The following ATXN7 variants were observed in gnomAD, a reference collection of about 807,000 sequenced individuals.
The protein encoded by ATXN7 is ataxin 7, also known as ataxin-7.
In ATXN7, 12 loss-of-function variants were observed where a neutral mutation model predicts 70.5. That is an observed-to-expected ratio of 0.17 (90% confidence interval 0.11 to 0.28). The LOEUF is 0.28. Among genes scored for constraint, ATXN7 ranks in the 10% least tolerant of loss-of-function variants. The pLI, the probability that ATXN7 is intolerant of heterozygous loss-of-function variation, is 1.00. For missense variants in ATXN7, 1,256 were observed against 1,131.7 expected (o/e 1.11, Z -1.58); for synonymous variants, 498 against 448.7 (o/e 1.11, Z -1.39).
At chr3:63,994,680 C>CT (rs1240101705) in intron 11 of ATXN7, among the ~76,000 whole-genome samples, 1 of 152,234 alleles carries the variant, frequency 6.6e-6, no homozygotes, top group Non-Finnish European at 1.5e-5. Context: ...TCAGCCAGGG[C>CT]TACCCCTTAA....
intron 4 of ATXN7, among the ~76,000 whole-genome samples, chr3:63,939,481 ATAT>A (rs2074719315): frequency 6.6e-6 from 1 of 152,292 alleles, no homozygotes; most frequent in South Asian, 2.1e-4. Context: ...CAAACTGATG[ATAT>A]TATCCTTCAT....
intron 4 of ATXN7, among the ~76,000 whole-genome samples, chr3:63,920,990 A>G (rs1327324043): frequency 6.6e-6 from 1 of 152,230 alleles, no homozygotes; most frequent in African/African-American, 2.4e-5. Flanking sequence ...TAGTAGACTT[A>G]GCAGTTGGAG....
chr3:63,991,114 A>G, intron 11 of ATXN7: 1 of 470,732 alleles, frequency 2.1e-6, no homozygotes, highest in South Asian at 2.8e-5. Context: ...GGGATTGGGT[A>G]AGGGGAGAAA....
upstream of ATXN7, chr3:63,863,601 A>T (rs974038931): frequency 1.9e-5 from 23 of 1,194,362 alleles, no homozygotes; most frequent in Non-Finnish European, 2.4e-5. Context: ...GACTCAGGGA[A>T]GCAGCCGGGG....
At chr3:63,985,791 C>T (rs2075568679) in intron 8 of ATXN7, among the ~76,000 whole-genome samples, 1 of 152,220 alleles carries the variant, frequency 6.6e-6, no homozygotes, top group African/African-American at 2.4e-5. Flanking sequence ...TGTCCATTCA[C>T]TCATTGTAGA....
At chr3:63,975,114 T>C (rs2075371080) in intron 5 of ATXN7, among the ~76,000 whole-genome samples, 1 of 152,206 alleles carries the variant, frequency 6.6e-6, no homozygotes, top group South Asian at 2.1e-4. Context: ...TCGAATTGTT[T>C]CTTAGTATAT....
chr3:63,910,371 C>G (rs1703970725), intron 2 of ATXN7, among the ~76,000 whole-genome samples: 1 of 152,182 alleles, frequency 6.6e-6, no homozygotes, highest in African/African-American at 2.4e-5. Flanking sequence ...GCAAGCTTTT[C>G]TTTTCAATGG....
Position 63,995,611 on chromosome 3 carries a change from G to GCCA in ATXN7, c.1792_1794dup (p.Thr598dup). The GCCA allele has an allele frequency of 6.2e-7, 1 of 1,614,156 alleles. No individual in the cohort carries two copies. The highest frequency in any genetic ancestry group is 8.5e-7 in the Non-Finnish European group (1 of 1,180,028). ...ATGTGGAGTCAGCTATCTGGCAGCAGCCACCGTCTCTACATCCCCAGTCCT... is the reference window on the plus strand; with the variant it reads ...ATGTGGAGTCAGCTATCTGGCAGCAGCCACCACCGTCTCTACATCCCCAGTCCT... On this transcript the variant is annotated inframe_insertion, in exon 12 of 13. Transcript: ENST00000674280.
intron 1 of ATXN7, among the ~76,000 whole-genome samples, chr3:63,883,017 A>G (rs1702963402): frequency 6.6e-6 from 1 of 152,204 alleles, no homozygotes; most frequent in Non-Finnish European, 1.5e-5. Context: ...TTTTCTTTCT[A>G]AGGTGTTATT....
intron 4 of ATXN7, among the ~76,000 whole-genome samples, chr3:63,950,995 G>C (rs924978136): frequency 6.6e-6 from 1 of 152,086 alleles, no homozygotes; most frequent in African/African-American, 2.4e-5. Context: ...TTGAATTCCA[G>C]CTATTGACCT....
At chr3:63,881,563 A>T (rs1351213164) in intron 1 of ATXN7, among the ~76,000 whole-genome samples, 1 of 144,108 alleles carries the variant, frequency 6.9e-6, no homozygotes, top group Non-Finnish European at 1.5e-5. Context: ...ATCTCAGCTC[A>T]CTGCGACCTC....
intron 4 of ATXN7, among the ~76,000 whole-genome samples, chr3:63,931,337 G>A (rs554526007): frequency 2.6e-4 from 39 of 152,052 alleles, no homozygotes; most frequent in Non-Finnish European, 4.9e-4. Flanking sequence ...AGAGGAGAAA[G>A]CATGAAGCTT....
At chr3:63,978,327 G>A (rs1423789160) in intron 5 of ATXN7, among the ~76,000 whole-genome samples, 1 of 152,188 alleles carries the variant, frequency 6.6e-6, no homozygotes, top group Non-Finnish European at 1.5e-5. Flanking sequence ...TACTAGTCAT[G>A]CAGAAGTTAA....
At chr3:63,994,165 C>T (rs1321756366) in intron 11 of ATXN7, among the ~76,000 whole-genome samples, 6 of 152,194 alleles carry the variant, frequency 3.9e-5, no homozygotes, top group Non-Finnish European at 7.3e-5. Flanking sequence ...TAATGTGCAA[C>T]AGCTGGAGTT....
chr3:63,897,490 T>C (rs1453529173), intron 1 of ATXN7, among the ~76,000 whole-genome samples: 1 of 152,198 alleles, frequency 6.6e-6, no homozygotes. Flanking sequence ...TTTATTTGTA[T>C]CTTAGGATCT....
At chr3:63,979,892 T>G (rs759149912) in intron 5 of ATXN7, 23 bp from the exon 6 acceptor site, 4 of 1,611,838 alleles carry the variant, frequency 2.5e-6, no homozygotes, top group Non-Finnish European at 3.4e-6. Context: ...ATGATGTCTT[T>G]TTTTCTTTGC....
At chr3:63,985,754 G>A (rs142672814) in intron 8 of ATXN7, among the ~76,000 whole-genome samples, 15 of 152,240 alleles carry the variant, frequency 9.9e-5, no homozygotes, top group African/African-American at 2.9e-4. Flanking sequence ...CCTTCCACGC[G>A]GAGAGATTTG....
chr3:63,966,640 A>G (rs1227846342), intron 5 of ATXN7, among the ~76,000 whole-genome samples: 1 of 152,140 alleles, frequency 6.6e-6, no homozygotes, highest in Non-Finnish European at 1.5e-5. Flanking sequence ...TGGGATCTGA[A>G]TCCTTGTGAA....
intron 5 of ATXN7, among the ~76,000 whole-genome samples, chr3:63,956,806 G>A (rs1309283070): frequency 6.6e-6 from 1 of 152,184 alleles, no homozygotes; most frequent in Non-Finnish European, 1.5e-5. Context: ...AGGAAGGGAG[G>A]CCCCTACTTT....
Sources: allele counts gnomAD v4.1 joint callset (sites outside exome capture counted in the v4.1 genomes callset), GRCh38; gene constraint gnomAD v4.1.1; transcripts MANE v1.5; gene names NCBI Gene and HGNC (gene_info 2026-07-23, HGNC 2026-07-21).